The following ARHGAP44 variants were observed in gnomAD, a reference collection of about 807,000 sequenced individuals.
ARHGAP44 encodes the protein rho GTPase-activating protein 44.
Under a neutral mutation model 106.8 loss-of-function variants are expected in ARHGAP44, and 43 were observed. That is an observed-to-expected ratio of 0.40 (90% CI 0.32 to 0.52). The LOEUF is 0.52. ARHGAP44 is among the 20% of genes least tolerant of loss of function. The probability of loss-of-function intolerance (pLI) is 0.48; values close to 1 mark genes in which losing one functional copy is unlikely to be tolerated. For missense variants in ARHGAP44, 866 were observed against 1,050.5 expected, an observed-to-expected ratio of 0.82 and a Z score of 2.43; for synonymous variants, 439 against 410.3, an observed-to-expected ratio of 1.07 and a Z score of -0.85.
intron 6 of ARHGAP44, among the ~76,000 whole-genome samples, chr17:12,920,427 G>A (rs2038048878): frequency 6.6e-6 from 1 of 151,362 alleles, no homozygotes; most frequent in African/African-American, 2.4e-5. Flanking sequence ...GGCGATGATG[G>A]AGAAAGGGAG....
In ARHGAP44 at chr17:12,974,344, G is replaced by A. The variant is rs1387826104; in HGVS notation, c.1763+34G>A. Reference sequence around the variant, plus strand: ...GGGCCACTGCCGTCCGGGCGGGCTGGTGTGCGGTGCAGGGGGTGTCTGGGT... The same window carrying A: ...GGGCCACTGCCGTCCGGGCGGGCTGATGTGCGGTGCAGGGGGTGTCTGGGT... On this transcript the variant is annotated intron_variant, in intron 18 of 20. Coordinates refer to ENST00000379672, the MANE Select transcript of ARHGAP44 (RefSeq NM_014859.6). 1.2e-5 allele frequency: 17 copies of A among 1,381,640 alleles called. No homozygotes were observed. In the East Asian group the frequency reaches 4.5e-4, roughly 36 times the overall value. 85.6% of individuals were successfully genotyped at this position (1,381,640 alleles called of 1,614,324 possible).
chr17:12,877,571 A>G (rs1567663746), intron 1 of ARHGAP44, among the ~76,000 whole-genome samples: 1 of 152,212 alleles, frequency 6.6e-6, no homozygotes, highest in Non-Finnish European at 1.5e-5. Context: ...TAACACGGCG[A>G]AATCCCGTCT....
At chr17:12,976,474 G>A (rs1378099396) in intron 18 of ARHGAP44, among the ~76,000 whole-genome samples, 1 of 151,908 alleles carries the variant, frequency 6.6e-6, no homozygotes, top group African/African-American at 2.4e-5. Context: ...TTAGCTGGGT[G>A]CAGTGGTATA....
chr17:12,982,081 G>A (rs760692158), intron 19 of ARHGAP44, among the ~76,000 whole-genome samples: 7 of 152,046 alleles, frequency 4.6e-5, no homozygotes, highest in South Asian at 4.1e-4. Context: ...TCATTGTCTC[G>A]TCCAGTGGGA....
intron 1 of ARHGAP44, among the ~76,000 whole-genome samples, chr17:12,792,203 A>T (rs945381812): frequency 6.6e-6 from 1 of 151,976 alleles, no homozygotes; most frequent in East Asian, 1.9e-4. Flanking sequence ...TGCTCCTTCC[A>T]AGTAGCTTTT....
chr17:12,868,591 TTATA>T (rs1209692482), intron 1 of ARHGAP44, among the ~76,000 whole-genome samples: 1,306 of 47,022 alleles, frequency 0.028, 14 homozygotes, highest in East Asian at 0.051. Flanking sequence ...TATATGCATT[TTATA>T]TATATATATA....
chr17:12,827,152 C>A (rs895685623), intron 1 of ARHGAP44, among the ~76,000 whole-genome samples: 2 of 152,016 alleles, frequency 1.3e-5, no homozygotes, highest in Admixed American at 6.6e-5. Context: ...TTATTTAATT[C>A]CTTTATTCTC....
intron 15 of ARHGAP44, among the ~76,000 whole-genome samples, chr17:12,956,977 G>A (rs1362250720): frequency 6.6e-6 from 1 of 152,088 alleles, no homozygotes; most frequent in Non-Finnish European, 1.5e-5. Context: ...TTGAGATGGA[G>A]TTTTGCTCTT....
At chr17:12,897,658 A>G (rs1435076849) in intron 3 of ARHGAP44, among the ~76,000 whole-genome samples, 5 of 150,532 alleles carry the variant, frequency 3.3e-5, no homozygotes, top group African/African-American at 1.2e-4. Context: ...GGGGGACTCC[A>G]GGAACGGTTC....
At chr17:12,929,281 G>A (rs2038333468) in intron 7 of ARHGAP44, 1 of 393,598 alleles carries the variant, frequency 2.5e-6, no homozygotes, top group African/African-American at 2.0e-5. Context: ...GGTCCTGCAT[G>A]CTAGGCAAAG....
At chr17:12,894,527 A>G (rs2037146673) in intron 1 of ARHGAP44, among the ~76,000 whole-genome samples, 1 of 152,198 alleles carries the variant, frequency 6.6e-6, no homozygotes, top group Non-Finnish European at 1.5e-5. Context: ...CATTTGCATT[A>G]GTTGCCAAGA....
chr17:12,834,945 G>A (rs2035193110), intron 1 of ARHGAP44, among the ~76,000 whole-genome samples: 1 of 152,150 alleles, frequency 6.6e-6, no homozygotes, highest in Non-Finnish European at 1.5e-5. Flanking sequence ...ATCATTGCAA[G>A]TTTAATTGCC....
At chr17:12,954,995 C>A (rs1028055561) in intron 13 of ARHGAP44, among the ~76,000 whole-genome samples, 14 of 152,128 alleles carry the variant, frequency 9.2e-5, no homozygotes, top group Non-Finnish European at 1.8e-4. Flanking sequence ...AAGAAATCCC[C>A]TTCCGATAAG....
At chr17:12,957,304 T>A (rs941322127) in intron 15 of ARHGAP44, among the ~76,000 whole-genome samples, 13 of 152,188 alleles carry the variant, frequency 8.5e-5, no homozygotes, top group Non-Finnish European at 1.8e-4. Flanking sequence ...GTGTCCACTG[T>A]CTGTACTAAC....
intron 3 of ARHGAP44, among the ~76,000 whole-genome samples, chr17:12,906,612 G>T (rs1184384221): frequency 2.0e-5 from 3 of 152,186 alleles, no homozygotes; most frequent in Admixed American, 6.5e-5. Context: ...AAAGTATGAT[G>T]ATGTTTATTA....
chr17:12,904,512 C>T (rs2037489403), intron 3 of ARHGAP44, among the ~76,000 whole-genome samples: 1 of 152,226 alleles, frequency 6.6e-6, no homozygotes, highest in Non-Finnish European at 1.5e-5. Context: ...TAACATCTCT[C>T]CTCTTAGAGT....
chr17:12,941,789 G>A (rs1457219230), intron 8 of ARHGAP44, among the ~76,000 whole-genome samples: 1 of 152,058 alleles, frequency 6.6e-6, no homozygotes, highest in Non-Finnish European at 1.5e-5. Context: ...TTAAGACTCA[G>A]GTTGTTTACC....
chr17:12,843,898 C>A (rs1279345536), intron 1 of ARHGAP44, among the ~76,000 whole-genome samples: 2 of 151,564 alleles, frequency 1.3e-5, no homozygotes, highest in Non-Finnish European at 2.9e-5. Flanking sequence ...CTCAAGTGAT[C>A]CACCCACCTT....
intron 5 of ARHGAP44, among the ~76,000 whole-genome samples, chr17:12,918,055 G>A (rs1472973631): frequency 2.6e-5 from 4 of 152,182 alleles, no homozygotes; most frequent in African/African-American, 9.7e-5. Flanking sequence ...AGCTTCTCAA[G>A]TCATCTCCTC....
Sources: gnomAD v4.1 joint callset for allele counts (sites outside exome capture counted in the v4.1 genomes callset) on GRCh38, gnomAD v4.1.1 for gene constraint, MANE v1.5 for transcripts, NCBI Gene and HGNC (gene_info 2026-07-23, HGNC 2026-07-21) for gene names.